Variants in KCND2 observed in about 807,000 individuals in gnomAD.
KCND2 encodes the protein potassium voltage-gated channel subfamily D member 2, also known as A-type voltage-gated potassium channel KCND2.
KCND2 carries 16 observed loss-of-function variants against 54.4 expected under a neutral mutation model. The observed-to-expected ratio is 0.29, with a 90% CI of 0.20 to 0.45. The LOEUF is 0.45. Ranked by LOEUF, KCND2 falls within the 20% of genes least tolerant of loss-of-function variation. The pLI, the probability that KCND2 is intolerant of heterozygous loss-of-function variation, is 1.00. For synonymous variants in KCND2, 317 were observed against 310.7 expected, an observed-to-expected ratio of 1.02 and a Z score of -0.21; for missense variants, 486 against 824.2, an observed-to-expected ratio of 0.59 and a Z score of 5.02.
chr7:120,649,802 G>T (rs1791702739), intron 1 of KCND2, among the ~76,000 whole-genome samples: 1 of 152,134 alleles, frequency 6.6e-6, no homozygotes, highest in Non-Finnish European at 1.5e-5. Flanking sequence ...CTCTTGTAGG[G>T]CAGGCCTGGT....
intron 5 of KCND2, chr7:120,746,635 T>C (rs1198116303): frequency 6.5e-6 from 1 of 153,248 alleles, no homozygotes; most frequent in East Asian, 1.9e-4. Flanking sequence ...AACTTCCATA[T>C]TGATATATTT....
At position 120,430,247 on chromosome 7, in the gene KCND2, T is replaced by C. The variant is rs531389805; in HGVS notation, c.1115+154500T>C. On this transcript the variant is annotated intron_variant, in intron 1 of 5. Transcript: ENST00000331113. ...CTTCTCCCTGTGTCCTCACATGGCCTTTTCTCTTCGTGTGCCTCCCTGGTG... is the reference window on the plus strand; with the variant it reads ...CTTCTCCCTGTGTCCTCACATGGCCCTTTCTCTTCGTGTGCCTCCCTGGTG... Among the ~76,000 whole-genome samples, 3 of 152,276 alleles carry C rather than the reference T, an allele frequency of 2.0e-5. No homozygotes were observed. In the South Asian group the frequency reaches 6.2e-4, roughly 32 times the overall value.
At chr7:120,703,004 C>G (rs1459036546) in intron 1 of KCND2, among the ~76,000 whole-genome samples, 1 of 152,114 alleles carries the variant, frequency 6.6e-6, no homozygotes. Context: ...CATCTTTGCT[C>G]TGTTTACAGA....
intron 1 of KCND2, among the ~76,000 whole-genome samples, chr7:120,500,179 G>A (rs1220433701): frequency 6.6e-6 from 1 of 152,022 alleles, no homozygotes; most frequent in Non-Finnish European, 1.5e-5. Flanking sequence ...ATGAATTTTT[G>A]GTATGAATCA....
intron 1 of KCND2, among the ~76,000 whole-genome samples, chr7:120,587,608 A>AT (rs1470511195): frequency 3.9e-5 from 6 of 152,136 alleles, no homozygotes; most frequent in Non-Finnish European, 7.4e-5. Flanking sequence ...CAGACATAAG[A>AT]TGACCTTTCT....
intron 1 of KCND2, among the ~76,000 whole-genome samples, chr7:120,720,012 T>A (rs1792647578): frequency 6.6e-6 from 1 of 152,204 alleles, no homozygotes; most frequent in Non-Finnish European, 1.5e-5. Flanking sequence ...AATTTACATC[T>A]TTATAATGTT....
rs1048264378 is a variant in KCND2 at position 120,606,503 on chromosome 7, A to AT, written c.1116-126396dup. On this transcript the variant is annotated intron_variant, in intron 1 of 5. Coordinates refer to ENST00000331113, the MANE Select transcript of KCND2 (RefSeq NM_012281.3). ...TATATTTTCTTCTATGACTTTTATG[A>AT]TTTTAACAGTCACATTTAGGTATTT... 2.3e-4 allele frequency among the ~76,000 whole-genome samples: 35 copies of AT among 152,078 alleles called. 1 individual carries two copies. The highest frequency in any genetic ancestry group is 4.4e-4 in the Non-Finnish European group (30 of 67,956).
chr7:120,334,271 C>T (rs771605295), intron 1 of KCND2, among the ~76,000 whole-genome samples: 18 of 152,076 alleles, frequency 1.2e-4, no homozygotes, highest in Admixed American at 7.9e-4. Context: ...GTTGCCATTT[C>T]GAAGAGTGAT....
At chr7:120,711,394 A>G (rs1270062370) in intron 1 of KCND2, among the ~76,000 whole-genome samples, 2 of 152,186 alleles carry the variant, frequency 1.3e-5, no homozygotes, top group East Asian at 1.9e-4. Flanking sequence ...TGTATTTGCA[A>G]TGACTTGCAT....
intron 1 of KCND2, among the ~76,000 whole-genome samples, chr7:120,691,784 G>GA (rs1169495518): frequency 1.3e-5 from 2 of 152,104 alleles, no homozygotes; most frequent in Admixed American, 1.3e-4. Flanking sequence ...ATATCACAGA[G>GA]AAATGGTGCT....
intron 1 of KCND2, among the ~76,000 whole-genome samples, chr7:120,335,374 A>AAG (rs1260097422): frequency 9.3e-5 from 14 of 150,392 alleles, no homozygotes; most frequent in Non-Finnish European, 1.8e-4. Flanking sequence ...AAAAAAAAAA[A>AAG]AAGAAGGATA....
At chr7:120,581,960 C>T (rs866902581) in intron 1 of KCND2, among the ~76,000 whole-genome samples, 23 of 152,078 alleles carry the variant, frequency 1.5e-4, no homozygotes, top group African/African-American at 3.1e-4. Context: ...GTCATCCACC[C>T]GCCTCAGCCT....
intron 1 of KCND2, among the ~76,000 whole-genome samples, chr7:120,523,019 A>T (rs1357881724): frequency 1.3e-5 from 2 of 152,206 alleles, no homozygotes; most frequent in Non-Finnish European, 1.5e-5. Flanking sequence ...GATAGAAGAC[A>T]CAGAGCCCAT....
At chr7:120,528,587 A>T (rs1319569262) in intron 1 of KCND2, among the ~76,000 whole-genome samples, 1 of 152,254 alleles carries the variant, frequency 6.6e-6, no homozygotes, top group South Asian at 2.1e-4. Flanking sequence ...GTAACCAGCA[A>T]CTTTTAGTAC....
intron 1 of KCND2, among the ~76,000 whole-genome samples, chr7:120,721,681 T>G (rs1314544181): frequency 6.6e-6 from 1 of 152,160 alleles, no homozygotes; most frequent in Non-Finnish European, 1.5e-5. Flanking sequence ...CATCATCACA[T>G]TAAATTATTT....
At chr7:120,504,376 A>C (rs2116321366) in intron 1 of KCND2, among the ~76,000 whole-genome samples, 1 of 152,036 alleles carries the variant, frequency 6.6e-6, no homozygotes, top group East Asian at 1.9e-4. Flanking sequence ...TTTCATTATT[A>C]TTTTACATAA....
At chr7:120,386,143 A>T (rs536514536) in intron 1 of KCND2, among the ~76,000 whole-genome samples, 1 of 152,276 alleles carries the variant, frequency 6.6e-6, no homozygotes, top group East Asian at 1.9e-4. Context: ...GCATTTGTAT[A>T]GTGCATTATT....
chr7:120,284,552 G>A (rs968274403), intron 1 of KCND2, among the ~76,000 whole-genome samples: 1 of 152,138 alleles, frequency 6.6e-6, no homozygotes, highest in African/African-American at 2.4e-5. Context: ...AGAAAGGAAT[G>A]TGCCCTACAG....
chr7:120,309,875 G>A (rs1359204184), intron 1 of KCND2, among the ~76,000 whole-genome samples: 1 of 152,032 alleles, frequency 6.6e-6, no homozygotes, highest in Admixed American at 6.6e-5. Context: ...ACCAGTCACA[G>A]GGAATTTCTT....
Sources: gnomAD v4.1 joint callset for allele counts (sites outside exome capture counted in the v4.1 genomes callset) on GRCh38, gnomAD v4.1.1 for gene constraint, MANE v1.5 for transcripts, NCBI Gene and HGNC (gene_info 2026-07-23, HGNC 2026-07-21) for gene names.